The following PDE4D variants were observed in gnomAD, a reference collection of about 807,000 sequenced individuals.
PDE4D encodes the protein phosphodiesterase 4D.
A neutral mutation model predicts 87.4 loss-of-function variants in PDE4D; 24 were observed. The ratio of observed to expected loss-of-function variants is 0.27; its 90% CI spans 0.20 to 0.39. The LOEUF (loss-of-function observed/expected upper bound fraction) is 0.39, where lower values mean the gene tolerates loss of function less well. Ranked by LOEUF, PDE4D falls within the 10% of genes least tolerant of loss-of-function variation. The pLI is 1.00. For missense variants in PDE4D, 714 were observed against 1,041.0 expected (o/e 0.69, Z 4.32); for synonymous variants, 384 against 383.2 (o/e 1.00, Z -0.02).
chr5:60,164,327 T>C (rs1035458686), intron 2 of PDE4D, among the ~76,000 whole-genome samples: 17 of 152,070 alleles, frequency 1.1e-4, no homozygotes, highest in African/African-American at 4.1e-4. Context: ...AAGGCACTGG[T>C]CAACAAATAA....
chr5:59,273,809 T>C (rs889091402), intron 1 of PDE4D, among the ~76,000 whole-genome samples: 2 of 152,080 alleles, frequency 1.3e-5, no homozygotes, highest in African/African-American at 4.8e-5. Context: ...ACAAAAAATA[T>C]AATAATTGTG....
intron 1 of PDE4D, among the ~76,000 whole-genome samples, chr5:59,862,931 G>T (rs2152729544): frequency 6.6e-6 from 1 of 152,204 alleles, no homozygotes; most frequent in Non-Finnish European, 1.5e-5. Context: ...CTATTCTTGG[G>T]CTATTAGGAC....
At position 59,921,089 on chromosome 5, in the gene PDE4D, C is replaced by T. The variant is rs185975191; in HGVS notation, c.272+67399G>A. 7.9e-3 allele frequency among the ~76,000 whole-genome samples: 1,210 copies of T among 152,212 alleles called. 14 individuals carry two copies. The highest frequency in any genetic ancestry group is 0.012 in the Non-Finnish European group (831 of 68,020). On this transcript the variant is annotated intron_variant, in intron 3 of 16. Transcript: ENST00000502484. ...TGGGTGTATAATGCTAAGAATAGTA[C>T]CTGCCACATAAAACATCCTTACTAA...
chr5:59,988,162 T>C, intron 3 of PDE4D: 1 of 218,238 alleles, frequency 4.6e-6, no homozygotes, highest in Non-Finnish European at 9.0e-6. Flanking sequence ...TGGTAATTTG[T>C]CCATTAGTTC....
chr5:60,197,963 C>T (rs1371886294), intron 1 of PDE4D, among the ~76,000 whole-genome samples: 3 of 149,712 alleles, frequency 2.0e-5, no homozygotes, highest in South Asian at 2.1e-4. Context: ...AAATTTCTAA[C>T]GAATGATAAA....
chr5:60,483,309 G>A (rs1748876871), intron 1 of PDE4D, among the ~76,000 whole-genome samples: 1 of 152,110 alleles, frequency 6.6e-6, no homozygotes, highest in South Asian at 2.1e-4. Flanking sequence ...GACCACAGAT[G>A]TGAGCCACCA....
At chr5:59,285,602 C>A (rs745673975) in intron 1 of PDE4D, among the ~76,000 whole-genome samples, 1 of 152,092 alleles carries the variant, frequency 6.6e-6, no homozygotes, top group Admixed American at 6.6e-5. Flanking sequence ...ACTGAACCAA[C>A]GCCAGCATCA....
chr5:60,170,603 T>C (rs1486138664), intron 2 of PDE4D, among the ~76,000 whole-genome samples: 1 of 152,000 alleles, frequency 6.6e-6, no homozygotes, highest in East Asian at 1.9e-4. Flanking sequence ...AAATGTTTTA[T>C]ATAGTATTAT....
intron 2 of PDE4D, among the ~76,000 whole-genome samples, chr5:60,131,445 T>C (rs1779573140): frequency 6.6e-6 from 1 of 152,216 alleles, no homozygotes; most frequent in African/African-American, 2.4e-5. Context: ...TGGACTGGTC[T>C]TATAACCTAG....
At chr5:59,587,632 G>T in intron 1 of PDE4D, 1 of 985,210 alleles carries the variant, frequency 1.0e-6, no homozygotes, top group Non-Finnish European at 1.2e-6. Context: ...CTCTGCAGCA[G>T]CCTGGCTCAG....
intron 2 of PDE4D, among the ~76,000 whole-genome samples, chr5:60,057,357 G>C (rs1417735064): frequency 6.6e-6 from 1 of 151,940 alleles, no homozygotes; most frequent in African/African-American, 2.4e-5. Flanking sequence ...TCTGCAATAA[G>C]GTATTTGAAG....
chr5:59,830,399 A>G (rs549512139), intron 1 of PDE4D, among the ~76,000 whole-genome samples: 1 of 152,238 alleles, frequency 6.6e-6, no homozygotes, highest in South Asian at 2.1e-4. Flanking sequence ...AATTTTCAAA[A>G]TTAGTAATTT....
chr5:59,135,312 C>T (rs1171338858), intron 5 of PDE4D, among the ~76,000 whole-genome samples: 2 of 152,178 alleles, frequency 1.3e-5, no homozygotes, highest in Non-Finnish European at 2.9e-5. Flanking sequence ...TTTATGAGTA[C>T]TTTGGCAAGT....
At chr5:59,033,059 A>C (rs1269906465) in intron 6 of PDE4D, among the ~76,000 whole-genome samples, 1 of 152,210 alleles carries the variant, frequency 6.6e-6, no homozygotes, top group African/African-American at 2.4e-5. Flanking sequence ...TATCACATAC[A>C]AAGTATAACA....
chr5:59,897,444 A>AC (rs1554108150), upstream of PDE4D, among the ~76,000 whole-genome samples: 26 of 147,530 alleles, frequency 1.8e-4, no homozygotes, highest in Non-Finnish European at 3.8e-4. Context: ...TGGGAGGAGG[A>AC]TTTTTTTTTT....
At chr5:60,118,174 C>G (rs1778336870) in intron 2 of PDE4D, among the ~76,000 whole-genome samples, 2 of 152,236 alleles carry the variant, frequency 1.3e-5, no homozygotes, top group East Asian at 1.9e-4. Context: ...AAACAAGTTT[C>G]TGTCATTAAC....
intron 1 of PDE4D, among the ~76,000 whole-genome samples, chr5:60,479,999 G>T (rs1021252365): frequency 3.9e-5 from 6 of 152,208 alleles, no homozygotes; most frequent in Admixed American, 2.0e-4. Context: ...ATAGGCAGTA[G>T]ACTGAAGTCC....
At chr5:60,044,617 TGGTTTTTTGTTCTTGCGATAGTTTACTGA>T (rs1356702349) in intron 2 of PDE4D, among the ~76,000 whole-genome samples, 1 of 152,088 alleles carries the variant, frequency 6.6e-6, no homozygotes, top group East Asian at 1.9e-4. Flanking sequence ...ATGCGGTGTT[TGGTTTTTTGTTCTTGCGATAGTTTACTGA>T]GAATGATGAT....
chr5:59,573,033 T>C (rs1279030355), intron 1 of PDE4D, among the ~76,000 whole-genome samples: 1 of 152,212 alleles, frequency 6.6e-6, no homozygotes, highest in Non-Finnish European at 1.5e-5. Context: ...TCAAATTGTT[T>C]ATCCAATGGA....
Sources: allele counts gnomAD v4.1 joint callset (sites outside exome capture counted in the v4.1 genomes callset), GRCh38; gene constraint gnomAD v4.1.1; transcripts MANE v1.5; gene names NCBI Gene and HGNC (gene_info 2026-07-23, HGNC 2026-07-21).